Variants in SLC22A23 observed in about 807,000 individuals in gnomAD.
The protein encoded by SLC22A23 is ion transporter protein.
In SLC22A23, 26 loss-of-function variants were observed where a neutral mutation model predicts 61.0. The ratio of observed to expected loss-of-function variants is 0.43; its 90% confidence interval spans 0.31 to 0.59. The LOEUF (loss-of-function observed/expected upper bound fraction) is 0.59. Among genes scored for constraint, SLC22A23 ranks in the 20% least tolerant of loss-of-function variants. The pLI is 0.11. For missense variants in SLC22A23, 796 were observed against 934.7 expected (o/e 0.85, Z 1.94); for synonymous variants, 430 against 413.9 (o/e 1.04, Z -0.47).
At chr6:3,440,481 G>C (rs1054885895) in intron 1 of SLC22A23, among the ~76,000 whole-genome samples, 2 of 152,140 alleles carry the variant, frequency 1.3e-5, no homozygotes, top group African/African-American at 4.8e-5. Context: ...GCCGAGGCAG[G>C]TGGATCATGA....
At chr6:3,356,721 G>C (rs1478016427) in intron 3 of SLC22A23, among the ~76,000 whole-genome samples, 1 of 152,132 alleles carries the variant, frequency 6.6e-6, no homozygotes, top group Non-Finnish European at 1.5e-5. Flanking sequence ...TCCAGGTCTT[G>C]AAACCTGCCC....
chr6:3,283,745 G>C, intron 9 of SLC22A23, 107 bp downstream of exon 9: 3 of 1,557,168 alleles, frequency 1.9e-6, no homozygotes, highest in Non-Finnish European at 2.6e-6. Context: ...TGTGTCCAGA[G>C]CCAGAGACAG....
intron 1 of SLC22A23, among the ~76,000 whole-genome samples, chr6:3,433,037 C>T (rs1456020190): frequency 1.3e-5 from 2 of 152,208 alleles, no homozygotes; most frequent in Non-Finnish European, 2.9e-5. Context: ...CAGCAGAGGC[C>T]CCACCTGTTT....
At chr6:3,278,840 C>T (rs1305769982) in intron 9 of SLC22A23, among the ~76,000 whole-genome samples, 1 of 152,180 alleles carries the variant, frequency 6.6e-6, no homozygotes, top group Non-Finnish European at 1.5e-5. Flanking sequence ...GGAAACCTCC[C>T]AGGTTTCTGC....
rs769588871 is a variant in SLC22A23 at position 3,283,819 on chromosome 6, C to A, written c.1703+33G>T. On this transcript the variant is annotated intron_variant, in intron 9 of 9. Transcript: ENST00000406686. Reference sequence around the variant, plus strand: ...GGACTCGTCTTTGATTTCCGAGAAGCCGGCGTCCCCTGGGGTGTCTCCCAT... The same window carrying A: ...GGACTCGTCTTTGATTTCCGAGAAGACGGCGTCCCCTGGGGTGTCTCCCAT... The A allele has an allele frequency of 1.1e-5, 17 of 1,612,112 alleles. No individual in the cohort carries two copies. In the South Asian group the frequency reaches 1.9e-4, roughly 18 times the overall value.
chr6:3,432,317 G>T, intron 1 of SLC22A23: 1 of 985,430 alleles, frequency 1.0e-6, no homozygotes, highest in Non-Finnish European at 1.2e-6. Context: ...AGGGTAGGCT[G>T]GCTGTGAGAC....
chr6:3,284,972 C>G (rs765112553), intron 8 of SLC22A23, 107 bp downstream of exon 8: 4 of 1,552,780 alleles, frequency 2.6e-6, no homozygotes, highest in East Asian at 4.9e-5. Context: ...TGGAGGGCAA[C>G]GGGGAGAAAG....
chr6:3,442,533 A>C (rs1211275737), intron 1 of SLC22A23, among the ~76,000 whole-genome samples: 1 of 152,228 alleles, frequency 6.6e-6, no homozygotes. Flanking sequence ...GGAGTTCCTC[A>C]ACACATAGCA....
chr6:3,382,732 G>A (rs1461611264), intron 3 of SLC22A23, among the ~76,000 whole-genome samples: 1 of 152,190 alleles, frequency 6.6e-6, no homozygotes, highest in Non-Finnish European at 1.5e-5. Context: ...AGTAGCTGTG[G>A]CAAAAAACAT....
chr6:3,445,224 A>G (rs1438005033), intron 1 of SLC22A23, among the ~76,000 whole-genome samples: 1 of 151,034 alleles, frequency 6.6e-6, no homozygotes, highest in Non-Finnish European at 1.5e-5. Context: ...TTTGAGACAG[A>G]GTCTCACTGT....
At chr6:3,423,814 G>A (rs1473112504) in intron 1 of SLC22A23, among the ~76,000 whole-genome samples, 4 of 152,194 alleles carry the variant, frequency 2.6e-5, no homozygotes, top group Non-Finnish European at 5.9e-5. Context: ...CAACAGAGCC[G>A]GACTGTAGCA....
chr6:3,319,501 C>T (rs4959806), intron 4 of SLC22A23, among the ~76,000 whole-genome samples: 79,319 of 151,892 alleles, frequency 0.52, 21,391 homozygotes, highest in African/African-American at 0.66. Flanking sequence ...CCCGCCTCTG[C>T]CCCACAATGT....
intron 3 of SLC22A23, among the ~76,000 whole-genome samples, chr6:3,345,359 T>C (rs991179375): frequency 5.5e-5 from 7 of 127,042 alleles, no homozygotes; most frequent in African/African-American, 2.3e-4. Context: ...TTTATATCTC[T>C]TTTCTTTTTT....
At position 3,271,082 on chromosome 6, in the gene SLC22A23, C is replaced by T. The variant is rs1296562361; in HGVS notation, c.*1973G>A. 6.6e-6 allele frequency: 1 copy of T among 152,358 alleles called. No individual in the cohort carries two copies. Among genetic ancestry groups the T allele is most frequent in the South Asian group, 2.1e-4 (1 of 4,834 alleles). 9.4% of individuals were successfully genotyped at this position (152,358 alleles called of 1,614,324 possible). ...TCTGTACATAATGGGGGTTTGTTGA[C>T]AGGTGGCTTTATAGCAAGTACTCCA... On this transcript the variant is annotated 3_prime_UTR_variant, in exon 10 of 10. Transcript: ENST00000406686.
intron 8 of SLC22A23, among the ~76,000 whole-genome samples, chr6:3,284,473 C>T (rs1040599438): frequency 3.3e-5 from 5 of 152,230 alleles, no homozygotes; most frequent in South Asian, 2.1e-4. Flanking sequence ...ACCGACCTCG[C>T]GCCAGGACAG....
At chr6:3,321,585 A>C (rs1288449254) in intron 4 of SLC22A23, among the ~76,000 whole-genome samples, 4 of 152,156 alleles carry the variant, frequency 2.6e-5, no homozygotes, top group Non-Finnish European at 4.4e-5. Flanking sequence ...AAAATTAAAA[A>C]AAAAACAAAA....
At chr6:3,399,885 T>C (rs1768263454) in intron 3 of SLC22A23, among the ~76,000 whole-genome samples, 1 of 152,236 alleles carries the variant, frequency 6.6e-6, no homozygotes, top group African/African-American at 2.4e-5. Flanking sequence ...TATGATTGCA[T>C]TTATTTTTTT....
rs1352147908 is a variant in SLC22A23, at chr6:3,329,716, C to T, written c.914-5714G>A. On this transcript the variant is annotated intron_variant, in intron 3 of 9. Coordinates refer to ENST00000406686, the MANE Select transcript of SLC22A23 (RefSeq NM_015482.2). This position sits in a 1 kb window ranked among gnomAD's most constrained non-coding sequence, Gnocchi z 4.8. Reference sequence around the variant, plus strand: ...TCATGAGAAAACGACACTCACGAAGCACTCGAGCGCACCTGGCTCATACTG... The same window carrying T: ...TCATGAGAAAACGACACTCACGAAGTACTCGAGCGCACCTGGCTCATACTG... 3.9e-5 allele frequency among the ~76,000 whole-genome samples: 6 copies of T among 152,280 alleles called. No homozygotes were observed. The highest frequency in any genetic ancestry group is 1.4e-4 in the African/African-American group (6 of 41,566).
In SLC22A23 at chr6:3,304,314, G is replaced by T. The variant is rs777185968; in HGVS notation, c.1083-6096C>A. 6.6e-6 allele frequency among the ~76,000 whole-genome samples: 1 copy of T among 152,184 alleles called. No individual in the cohort carries two copies. The highest frequency in any genetic ancestry group is 2.4e-5 in the African/African-American group (1 of 41,442). ...TTGGGTCTAAAGGCAACACACTTTG[G>T]ATACCTAAAAACTGACAACAACCAA... On this transcript the variant is annotated intron_variant, in intron 4 of 9. Coordinates refer to ENST00000406686, the MANE Select transcript of SLC22A23 (RefSeq NM_015482.2). The surrounding 1 kb of genome is among the most constrained non-coding windows in gnomAD (Gnocchi z 4.3).
Sources: allele counts gnomAD v4.1 joint callset (sites outside exome capture counted in the v4.1 genomes callset), GRCh38; gene constraint gnomAD v4.1.1; non-coding constraint Gnocchi (gnomAD v3.1); transcripts MANE v1.5; gene names NCBI Gene and HGNC (gene_info 2026-07-23, HGNC 2026-07-21).